Variants in PTK2 observed in about 807,000 individuals in gnomAD.
The protein encoded by PTK2 is protein tyrosine kinase 2, also known as focal adhesion kinase 1.
A neutral mutation model predicts 150.1 loss-of-function variants in PTK2; 45 were observed. The ratio of observed to expected loss-of-function variants is 0.30; its 90% CI spans 0.24 to 0.38. PTK2 has a LOEUF of 0.38. Among genes scored for constraint, PTK2 ranks in the 10% least tolerant of loss-of-function variants. The pLI is 1.00. For missense variants in PTK2, 919 were observed against 1,307.3 expected (o/e 0.70, Z 4.58); for synonymous variants, 432 against 449.2 (o/e 0.96, Z 0.48).
intron 2 of PTK2, among the ~76,000 whole-genome samples, chr8:140,902,515 G>C (rs770498230): frequency 1.2e-4 from 18 of 152,246 alleles, no homozygotes; most frequent in South Asian, 1.0e-3. Flanking sequence ...TCTGGTTCTA[G>C]ATCCTTGAGG....
intron 31 of PTK2, among the ~76,000 whole-genome samples, chr8:140,660,194 T>C (rs1334544631): frequency 6.6e-6 from 1 of 152,210 alleles, no homozygotes. Context: ...TCTCAGTGAC[T>C]GGCAGGGCTT....
At chr8:140,879,916 A>G (rs1211843266) in intron 3 of PTK2, among the ~76,000 whole-genome samples, 1 of 152,148 alleles carries the variant, frequency 6.6e-6, no homozygotes, top group African/African-American at 2.4e-5. Context: ...CTTTATTAAC[A>G]AGGCATGTAA....
At chr8:140,960,839 G>T (rs1057187898) in intron 1 of PTK2, among the ~76,000 whole-genome samples, 2 of 152,120 alleles carry the variant, frequency 1.3e-5, no homozygotes, top group Non-Finnish European at 2.9e-5. Flanking sequence ...AATTAGCCAG[G>T]CGTGGTGGCG....
intron 23 of PTK2, among the ~76,000 whole-genome samples, chr8:140,716,890 C>T (rs2100039981): frequency 6.6e-6 from 1 of 152,068 alleles, no homozygotes; most frequent in Admixed American, 6.6e-5. Flanking sequence ...CTGTCAAAAG[C>T]CAATGGTATA....
chr8:140,685,314 T>C (rs2100019206), intron 27 of PTK2, among the ~76,000 whole-genome samples: 1 of 152,130 alleles, frequency 6.6e-6, no homozygotes, highest in Non-Finnish European at 1.5e-5. Flanking sequence ...CAGGAAATAC[T>C]ATTCTGGACA....
chr8:140,907,052 AT>A (rs972220793), intron 2 of PTK2, among the ~76,000 whole-genome samples: 9 of 152,190 alleles, frequency 5.9e-5, no homozygotes, highest in Non-Finnish European at 1.2e-4. Context: ...TGTTTCCACT[AT>A]TTTCAGTACT....
chr8:140,671,896 C>T (rs1398884900), intron 29 of PTK2, among the ~76,000 whole-genome samples: 1 of 144,030 alleles, frequency 6.9e-6, no homozygotes, highest in Admixed American at 7.3e-5. Flanking sequence ...CGCACCACTG[C>T]ACTCCAGCCT....
chr8:140,975,813 G>A (rs999427288), intron 1 of PTK2, among the ~76,000 whole-genome samples: 4 of 152,064 alleles, frequency 2.6e-5, no homozygotes, highest in Non-Finnish European at 5.9e-5. Flanking sequence ...GCATGCCAGG[G>A]AACTATAACA....
intron 20 of PTK2, 120 bp from the exon 24 acceptor site, chr8:140,739,227 C>G (rs555603332): frequency 1.8e-6 from 1 of 553,952 alleles, no homozygotes; most frequent in Non-Finnish European, 2.9e-6. Context: ...CTTGAGGCTT[C>G]CATTTATTTG....
intron 10 of PTK2, among the ~76,000 whole-genome samples, chr8:140,810,770 C>T (rs969849150): frequency 2.6e-5 from 4 of 152,212 alleles, no homozygotes; most frequent in African/African-American, 9.7e-5. Context: ...TGCCAGCACC[C>T]CATGCTTATG....
At chr8:140,744,661 A>C in exon 19 of PTK2, 1 of 1,575,448 alleles carries the variant, frequency 6.3e-7, no homozygotes, top group Non-Finnish European at 8.7e-7. Flanking sequence ...CCTGTGTACA[A>C]ATCTTTTGCT....
At chr8:140,767,165 A>G (rs1162547305) in intron 14 of PTK2, among the ~76,000 whole-genome samples, 2 of 152,214 alleles carry the variant, frequency 1.3e-5, no homozygotes, top group Non-Finnish European at 2.9e-5. Context: ...AAATAGGCTA[A>G]TATATATCAG....
intron 7 of PTK2, among the ~76,000 whole-genome samples, chr8:140,835,162 A>T (rs2100117959): frequency 6.6e-6 from 1 of 152,196 alleles, no homozygotes; most frequent in Non-Finnish European, 1.5e-5. Flanking sequence ...ACGTGTATTC[A>T]TATCCACAAA....
intron 1 of PTK2, among the ~76,000 whole-genome samples, chr8:140,981,162 A>G (rs766701747): frequency 2.0e-5 from 3 of 152,056 alleles, no homozygotes; most frequent in Non-Finnish European, 4.4e-5. Context: ...CACTGTTTTA[A>G]ATGTCAGGGA....
At chr8:140,980,081 T>C (rs1041144063) in intron 1 of PTK2, among the ~76,000 whole-genome samples, 8 of 152,186 alleles carry the variant, frequency 5.3e-5, no homozygotes, top group East Asian at 1.9e-4. Flanking sequence ...ATCACACTCC[T>C]AGATACATAG....
chr8:140,743,209 G>T, intron 20 of PTK2, 21 bp downstream of exon 23: 1 of 1,464,096 alleles, frequency 6.8e-7, no homozygotes, highest in East Asian at 2.3e-5. Context: ...CTATTTCTTA[G>T]GTACTACTCT....
In PTK2 at chr8:140,742,080, G is replaced by C. The variant is rs1371532138; in HGVS notation, c.1735+1150C>G. ...GAGCTCAGGAGGTCGAGACTGTAAT[G>C]AGCCATGTTTGCGCCACTGCACTCC... On this transcript the variant is annotated intron_variant, in intron 20 of 31. Coordinates refer to ENST00000522684, the Ensembl canonical transcript of PTK2. Among the ~76,000 whole-genome samples, 6 of 152,206 alleles carry C rather than the reference G, an allele frequency of 3.9e-5. No homozygotes were observed. The South Asian group carries it at 6.2e-4, about 16-fold the overall frequency.
intron 1 of PTK2, among the ~76,000 whole-genome samples, chr8:140,995,248 T>C (rs953757155): frequency 3.3e-5 from 5 of 151,658 alleles, no homozygotes; most frequent in African/African-American, 1.2e-4. Flanking sequence ...CCAGGCATGG[T>C]GGCACGTGCC....
At chr8:140,804,293 GA>G (rs1351916819) in intron 10 of PTK2, among the ~76,000 whole-genome samples, 2 of 149,100 alleles carry the variant, frequency 1.3e-5, no homozygotes, top group African/African-American at 5.0e-5. Flanking sequence ...TTCTTAAAAA[GA>G]AAAAAAGATA....
Sources: gnomAD v4.1 joint callset for allele counts (sites outside exome capture counted in the v4.1 genomes callset) on GRCh38, gnomAD v4.1.1 for gene constraint, MANE v1.5 for transcripts, NCBI Gene and HGNC (gene_info 2026-07-23, HGNC 2026-07-21) for gene names.